The following OPCML variants were observed in gnomAD, a reference collection of about 807,000 sequenced individuals.
The protein encoded by OPCML is opioid-binding protein/cell adhesion molecule.
OPCML carries 13 observed loss-of-function variants against 37.8 expected under a neutral mutation model. That is an observed-to-expected ratio of 0.34 (90% CI 0.22 to 0.55). The LOEUF is 0.55. Among genes scored for constraint, OPCML ranks in the 20% least tolerant of loss-of-function variants. OPCML has a pLI of 0.91. For synonymous variants in OPCML, 176 were observed against 168.8 expected (o/e 1.04, Z -0.33); for missense variants, 341 against 435.6 (o/e 0.78, Z 1.93).
At chr11:133,048,480 C>G (rs1000672875) in intron 1 of OPCML, among the ~76,000 whole-genome samples, 1 of 152,132 alleles carries the variant, frequency 6.6e-6, no homozygotes, top group Non-Finnish European at 1.5e-5. Context: ...AGAAACTACA[C>G]GCTCTAAATA....
At chr11:133,190,121 A>G (rs991676682) in intron 1 of OPCML, among the ~76,000 whole-genome samples, 3 of 152,220 alleles carry the variant, frequency 2.0e-5, no homozygotes. Flanking sequence ...TGCCTGATGA[A>G]TTCCAATCCT....
intron 1 of OPCML, among the ~76,000 whole-genome samples, chr11:133,262,783 C>A (rs1282947254): frequency 6.6e-6 from 1 of 152,096 alleles, no homozygotes; most frequent in South Asian, 2.1e-4. Context: ...TGGCCAAGGG[C>A]AGCTGACGGT....
At chr11:132,979,430 C>T (rs1248505622) in intron 1 of OPCML, among the ~76,000 whole-genome samples, 1 of 152,194 alleles carries the variant, frequency 6.6e-6, no homozygotes, top group Non-Finnish European at 1.5e-5. Context: ...CACACTCCTG[C>T]CTATGGCATA....
At chr11:132,654,141 T>C (rs2135759679) in intron 3 of OPCML, among the ~76,000 whole-genome samples, 1 of 152,354 alleles carries the variant, frequency 6.6e-6, no homozygotes, top group Admixed American at 6.5e-5. Context: ...CTGGGGCTTC[T>C]TTCTAACTGA....
intron 2 of OPCML, among the ~76,000 whole-genome samples, chr11:132,786,283 T>C (rs1167627961): frequency 6.6e-6 from 1 of 152,224 alleles, no homozygotes; most frequent in East Asian, 1.9e-4. Context: ...AACGATTTCA[T>C]AGTTAAAGTG....
chr11:132,652,840 T>C (rs1404767074), intron 3 of OPCML, among the ~76,000 whole-genome samples: 1 of 152,206 alleles, frequency 6.6e-6, no homozygotes, highest in Non-Finnish European at 1.5e-5. Flanking sequence ...AGGAAGATGC[T>C]TTATGATCGC....
chr11:132,557,622 A>T (rs2096398792), intron 3 of OPCML, among the ~76,000 whole-genome samples: 1 of 152,182 alleles, frequency 6.6e-6, no homozygotes, highest in East Asian at 1.9e-4. Context: ...CTTAGTTAAC[A>T]TTGCCTGATT....
intron 1 of OPCML, among the ~76,000 whole-genome samples, chr11:133,183,085 A>G (rs944359128): frequency 1.3e-5 from 2 of 152,066 alleles, no homozygotes; most frequent in Admixed American, 1.3e-4. Flanking sequence ...AATCTCATTA[A>G]TAAAGCTTTC....
chr11:132,446,101 G>GTTTTTT (rs1429175760), intron 4 of OPCML, among the ~76,000 whole-genome samples: 12 of 77,460 alleles, frequency 1.5e-4, no homozygotes, highest in Admixed American at 3.7e-4. Flanking sequence ...CTCTGCTTGT[G>GTTTTTT]TCTTTTTTTT....
chr11:133,016,179 T>C (rs1196905568), intron 1 of OPCML, among the ~76,000 whole-genome samples: 4 of 152,180 alleles, frequency 2.6e-5, no homozygotes, highest in African/African-American at 9.7e-5. Context: ...TCTCAAAGTG[T>C]GTAGGTCAGA....
chr11:133,409,991 G>T (rs993072496), intron 1 of OPCML, among the ~76,000 whole-genome samples: 1 of 152,048 alleles, frequency 6.6e-6, no homozygotes, highest in Non-Finnish European at 1.5e-5. Context: ...GGAAGGACGT[G>T]CTAGAAGGTG....
At chr11:133,468,641 C>T (rs575380576) in intron 1 of OPCML, among the ~76,000 whole-genome samples, 53 of 152,226 alleles carry the variant, frequency 3.5e-4, no homozygotes, top group Middle Eastern at 3.2e-3. Flanking sequence ...TTGTGTTTGA[C>T]TGAGAGCCCT....
At chr11:132,572,795 T>C (rs1367501184) in intron 3 of OPCML, among the ~76,000 whole-genome samples, 1 of 152,100 alleles carries the variant, frequency 6.6e-6, no homozygotes, top group African/African-American at 2.4e-5. Flanking sequence ...GAAAAGTCTC[T>C]GATATTTTGA....
chr11:133,169,040 T>C (rs939124109), intron 1 of OPCML, among the ~76,000 whole-genome samples: 25 of 152,114 alleles, frequency 1.6e-4, no homozygotes, highest in African/African-American at 6.0e-4. Context: ...TGAGGCAGGA[T>C]AATCGCTTGA....
intron 4 of OPCML, among the ~76,000 whole-genome samples, chr11:132,523,520 G>T (rs1259979365): frequency 1.4e-5 from 2 of 146,562 alleles, no homozygotes; most frequent in African/African-American, 4.9e-5. Flanking sequence ...ATTAGAAGCA[G>T]ATCAGAAGAA....
chr11:133,238,749 C>T (rs1434865002), intron 1 of OPCML, among the ~76,000 whole-genome samples: 1 of 152,224 alleles, frequency 6.6e-6, no homozygotes, highest in Non-Finnish European at 1.5e-5. Context: ...TCAGAGGCTA[C>T]CCCTCCCAGT....
At chr11:133,084,911 C>G (rs1948796314) in intron 1 of OPCML, among the ~76,000 whole-genome samples, 1 of 152,144 alleles carries the variant, frequency 6.6e-6, no homozygotes, top group Non-Finnish European at 1.5e-5. Flanking sequence ...CATCAAAAGC[C>G]TCCACCATAT....
chr11:132,830,081 T>G (rs908988783), intron 2 of OPCML, among the ~76,000 whole-genome samples: 7 of 152,184 alleles, frequency 4.6e-5, no homozygotes, highest in Non-Finnish European at 8.8e-5. Context: ...TAGAATCTTA[T>G]GGGATTACTC....
chr11:133,417,239 T>C (rs971159951), intron 1 of OPCML, among the ~76,000 whole-genome samples: 3 of 152,158 alleles, frequency 2.0e-5, no homozygotes, highest in African/African-American at 7.2e-5. Flanking sequence ...GAATCCCTGA[T>C]TCATAGAAGT....
Sources: gnomAD v4.1 joint callset for allele counts (sites outside exome capture counted in the v4.1 genomes callset) on GRCh38, gnomAD v4.1.1 for gene constraint, MANE v1.5 for transcripts, NCBI Gene and HGNC (gene_info 2026-07-23, HGNC 2026-07-21) for gene names.